PRLR: variants seen among roughly 807,000 people sequenced by gnomAD.
PRLR encodes the protein prolactin receptor.
Under a neutral mutation model 40.2 loss-of-function variants are expected in PRLR, and 13 were observed. That is an observed-to-expected ratio of 0.32 (90% CI 0.21 to 0.51). The LOEUF (loss-of-function observed/expected upper bound fraction) is 0.51. PRLR is among the 20% of genes least tolerant of loss of function. PRLR has a pLI of 0.97. For missense variants in PRLR, 656 were observed against 747.3 expected, an observed-to-expected ratio of 0.88 and a Z score of 1.42; for synonymous variants, 269 against 278.7, an observed-to-expected ratio of 0.97 and a Z score of 0.35.
chr5:35,108,932 A>C (rs1772458394), intron 2 of PRLR, among the ~76,000 whole-genome samples: 1 of 152,220 alleles, frequency 6.6e-6, no homozygotes, highest in East Asian at 1.9e-4. Flanking sequence ...CAAAAGAACA[A>C]AGCTGGAGGC....
At chr5:35,053,456 C>A (rs1768575844), downstream of PRLR, among the ~76,000 whole-genome samples, 1 of 152,072 alleles carries the variant, frequency 6.6e-6, no homozygotes, top group Non-Finnish European at 1.5e-5. Context: ...AATTTGAGAC[C>A]AACCTGCACA....
chr5:35,203,487 T>C (rs1248034040), intron 1 of PRLR, among the ~76,000 whole-genome samples: 1 of 152,150 alleles, frequency 6.6e-6, no homozygotes, highest in Non-Finnish European at 1.5e-5. Flanking sequence ...ATTATTACCC[T>C]GAATTTGAAA....
Position 35,065,030 on chromosome 5 carries a change from T to C in PRLR, c.*59A>G, listed in dbSNP as rs931915988. On this transcript the variant is annotated 3_prime_UTR_variant, in exon 10 of 10. Transcript: ENST00000618457. ...CTACATTCTTGAGCATTTCACGTAC[T>C]CTGTAGTGTTACCTGAAGAAAAATC... is the stretch of plus-strand genomic sequence containing the variant. 3.7e-5 allele frequency: 56 copies of C among 1,530,426 alleles called. No homozygotes were observed. Among genetic ancestry groups the C allele is most frequent in the Non-Finnish European group, 4.5e-5 (51 of 1,127,026 alleles). 94.8% of individuals were successfully genotyped at this position (1,530,426 alleles called of 1,614,324 possible).
intron 1 of PRLR, among the ~76,000 whole-genome samples, chr5:35,202,211 C>T (rs1321364908): frequency 6.6e-6 from 1 of 152,172 alleles, no homozygotes; most frequent in East Asian, 1.9e-4. Context: ...TGATCAAATT[C>T]AGTGTGGTGT....
intron 7 of PRLR, among the ~76,000 whole-genome samples, 180 bp from the exon 8 acceptor site, chr5:35,069,058 A>G (rs1769583274): frequency 6.6e-6 from 1 of 152,208 alleles, no homozygotes; most frequent in Non-Finnish European, 1.5e-5. Flanking sequence ...TATTATTAAT[A>G]TGTTAATATG....
downstream of PRLR, among the ~76,000 whole-genome samples, chr5:35,054,276 C>T (rs937091866): frequency 1.3e-5 from 2 of 152,188 alleles, no homozygotes; most frequent in African/African-American, 4.8e-5. Context: ...TTAAGATATG[C>T]ATTTTACATG....
intron 3 of PRLR, among the ~76,000 whole-genome samples, chr5:35,089,168 T>C (rs1181810326): frequency 1.3e-5 from 2 of 152,218 alleles, no homozygotes; most frequent in African/African-American, 4.8e-5. Context: ...TCATATACAT[T>C]ATTTCATCTG....
chr5:35,072,543 T>C (rs1769816185), intron 6 of PRLR, 32 bp downstream of exon 6: 3 of 1,600,210 alleles, frequency 1.9e-6, no homozygotes, highest in Non-Finnish European at 2.6e-6. Flanking sequence ...CCAAAGGCCA[T>C]AGTTCCTTCA....
chr5:35,068,165 AT>A (rs772213073), intron 9 of PRLR, 50 bp downstream of exon 9: 1 of 1,482,228 alleles, frequency 6.7e-7, no homozygotes, highest in South Asian at 1.1e-5. Context: ...TGTAGAGTTA[AT>A]TACTACAGAG....
At chr5:35,176,002 T>C (rs1472153846) in intron 1 of PRLR, among the ~76,000 whole-genome samples, 1 of 152,234 alleles carries the variant, frequency 6.6e-6, no homozygotes, top group East Asian at 1.9e-4. Flanking sequence ...ATTTATTATA[T>C]GTTATAATAT....
chr5:35,210,053 G>A (rs751813357), intron 1 of PRLR, among the ~76,000 whole-genome samples: 48 of 152,134 alleles, frequency 3.2e-4, no homozygotes, highest in Admixed American at 5.2e-4. Flanking sequence ...ATTCAGCTTG[G>A]CTCATACACA....
At chr5:35,193,848 T>G (rs1271511821) in intron 1 of PRLR, among the ~76,000 whole-genome samples, 1 of 152,194 alleles carries the variant, frequency 6.6e-6, no homozygotes, top group Non-Finnish European at 1.5e-5. Flanking sequence ...TGTGATTGGG[T>G]TGAAAGACGA....
intron 1 of PRLR, among the ~76,000 whole-genome samples, chr5:35,119,514 A>C (rs183763157): frequency 4.9e-4 from 75 of 152,274 alleles, no homozygotes; most frequent in East Asian, 1.2e-3. Flanking sequence ...TGAGCATAAG[A>C]CAGCCAGCCC....
chr5:35,088,765 C>CCA (rs891849155), intron 3 of PRLR, among the ~76,000 whole-genome samples: 31 of 151,650 alleles, frequency 2.0e-4, no homozygotes, highest in African/African-American at 6.5e-4. Flanking sequence ...AGTACACACA[C>CCA]CACACACACA....
intron 1 of PRLR, among the ~76,000 whole-genome samples, chr5:35,171,422 G>A (rs1774993522): frequency 6.6e-6 from 1 of 152,150 alleles, no homozygotes; most frequent in Non-Finnish European, 1.5e-5. Context: ...AGTGGCCTGT[G>A]TTTTTTTATT....
chr5:35,142,762 G>A (rs972900518), intron 1 of PRLR, among the ~76,000 whole-genome samples: 1 of 152,246 alleles, frequency 6.6e-6, no homozygotes, highest in African/African-American at 2.4e-5. Context: ...TTATGGTGGT[G>A]AGGTTACAGA....
At chr5:35,093,993 A>G (rs905096415) in intron 2 of PRLR, among the ~76,000 whole-genome samples, 2 of 152,174 alleles carry the variant, frequency 1.3e-5, no homozygotes, top group Admixed American at 6.5e-5. Flanking sequence ...ATACTCTATG[A>G]TGTTGGTACA....
chr5:35,113,493 C>T (rs1009063559), intron 2 of PRLR, among the ~76,000 whole-genome samples: 9 of 151,358 alleles, frequency 5.9e-5, no homozygotes, highest in Non-Finnish European at 1.2e-4. Context: ...ATCCATCCAC[C>T]CACCCACCTA....
chr5:35,153,348 C>T (rs560301276), intron 1 of PRLR, among the ~76,000 whole-genome samples: 3 of 152,186 alleles, frequency 2.0e-5, no homozygotes, highest in East Asian at 1.9e-4. Flanking sequence ...TCTCATGTTG[C>T]CCCCCAGGCC....
Sources: gnomAD v4.1 joint callset for allele counts (sites outside exome capture counted in the v4.1 genomes callset) on GRCh38, gnomAD v4.1.1 for gene constraint, MANE v1.5 for transcripts, NCBI Gene and HGNC (gene_info 2026-07-23, HGNC 2026-07-21) for gene names.